Variants in FNDC3A observed in about 807,000 individuals in gnomAD.
The protein encoded by FNDC3A is fibronectin type-III domain-containing protein 3A.
In FNDC3A, 32 loss-of-function variants were observed where a neutral mutation model predicts 148.9. That is an observed-to-expected ratio of 0.21 (90% CI 0.16 to 0.29). The LOEUF (loss-of-function observed/expected upper bound fraction) is 0.29. FNDC3A is among the 10% of genes least tolerant of loss of function. FNDC3A has a pLI of 1.00. For synonymous variants in FNDC3A, 472 were observed against 473.6 expected (o/e 1.00, Z 0.04); for missense variants, 1,191 against 1,452.8 (o/e 0.82, Z 2.93).
intron 8 of FNDC3A, among the ~76,000 whole-genome samples, chr13:49,165,889 GCAGGTTGGGTGGGCTCAATCT>G (rs955270089): frequency 1.3e-5 from 2 of 152,060 alleles, no homozygotes; most frequent in Non-Finnish European, 1.5e-5. Flanking sequence ...GTGATTAAAG[GCAGGTTGGGTGGGCTCAATCT>G]CAGGCCACCA....
intron 3 of FNDC3A, among the ~76,000 whole-genome samples, chr13:49,105,002 C>T (rs117845584): frequency 0.048 from 7,295 of 152,072 alleles, 240 homozygotes; most frequent in Middle Eastern, 0.082. Context: ...AAATATAAGT[C>T]ATAAACTAGG....
chr13:49,132,506 G>A (rs1488000602), intron 5 of FNDC3A, among the ~76,000 whole-genome samples: 1 of 152,192 alleles, frequency 6.6e-6, no homozygotes, highest in South Asian at 2.1e-4. Flanking sequence ...AACTGCCATT[G>A]TGTAGCACAG....
At chr13:49,082,964 G>A (rs1406156939) in intron 3 of FNDC3A, among the ~76,000 whole-genome samples, 1 of 152,100 alleles carries the variant, frequency 6.6e-6, no homozygotes, top group Non-Finnish European at 1.5e-5. Flanking sequence ...CCTGACCTGG[G>A]TTGTAGGAGT....
upstream of FNDC3A, chr13:48,975,675 C>T (rs934925343): frequency 5.9e-5 from 9 of 152,330 alleles, no homozygotes; most frequent in African/African-American, 1.9e-4. Context: ...GCGGATGCTA[C>T]CACAAGCCAG....
intron 2 of FNDC3A, among the ~76,000 whole-genome samples, chr13:49,070,835 A>G (rs1877612711): frequency 6.7e-6 from 1 of 150,192 alleles, no homozygotes; most frequent in Non-Finnish European, 1.5e-5. Flanking sequence ...TTTACTGAAC[A>G]TAACGACCTC....
At chr13:49,173,144 A>G (rs1052393849) in intron 11 of FNDC3A, among the ~76,000 whole-genome samples, 2 of 152,228 alleles carry the variant, frequency 1.3e-5, no homozygotes, top group African/African-American at 2.4e-5. Context: ...TTGGTTTAGT[A>G]CATTGTTTTT....
At chr13:49,137,871 G>A (rs914391360) in intron 6 of FNDC3A, among the ~76,000 whole-genome samples, 4 of 152,106 alleles carry the variant, frequency 2.6e-5, no homozygotes, top group Admixed American at 6.6e-5. Flanking sequence ...GTAGATATGC[G>A]TATGTAGAAA....
intron 3 of FNDC3A, among the ~76,000 whole-genome samples, chr13:49,114,044 T>C (rs1449230999): frequency 1.3e-5 from 2 of 152,154 alleles, no homozygotes; most frequent in Admixed American, 1.3e-4. Flanking sequence ...TTTTTTTTCC[T>C]TTGGGTAAGT....
chr13:49,037,521 C>T (rs969469905), intron 2 of FNDC3A, among the ~76,000 whole-genome samples: 2 of 152,180 alleles, frequency 1.3e-5, no homozygotes, highest in African/African-American at 4.8e-5. Context: ...TATTTATGTG[C>T]TTTCTGTAAC....
chr13:49,029,885 C>T (rs1297688791), intron 2 of FNDC3A, among the ~76,000 whole-genome samples: 2 of 152,002 alleles, frequency 1.3e-5, no homozygotes, highest in East Asian at 1.9e-4. Flanking sequence ...TAGAAAGACA[C>T]AAAACAACCA....
intron 16 of FNDC3A, chr13:49,187,649 T>G: frequency 6.3e-7 from 1 of 1,598,320 alleles, no homozygotes; most frequent in East Asian, 2.2e-5. Flanking sequence ...GTTGTGAACC[T>G]CCGGATGCTC....
At chr13:49,021,528 T>G (rs1593482342) in intron 2 of FNDC3A, among the ~76,000 whole-genome samples, 1 of 152,144 alleles carries the variant, frequency 6.6e-6, no homozygotes, top group Non-Finnish European at 1.5e-5. Flanking sequence ...AGTCTGCTGG[T>G]TTTTACTGCT....
intron 2 of FNDC3A, among the ~76,000 whole-genome samples, chr13:49,048,499 A>G (rs1339233917): frequency 6.6e-6 from 1 of 152,026 alleles, no homozygotes; most frequent in Non-Finnish European, 1.5e-5. Context: ...TTCTTTCAGC[A>G]GTGTTTTATA....
At chr13:49,075,860 C>T (rs1301196008) in intron 3 of FNDC3A, among the ~76,000 whole-genome samples, 2 of 127,000 alleles carry the variant, frequency 1.6e-5, no homozygotes, top group Non-Finnish European at 3.2e-5. Context: ...CAAGACTGAG[C>T]TCCAGTCCTA....
At chr13:49,085,120 T>C (rs1878723467) in intron 3 of FNDC3A, among the ~76,000 whole-genome samples, 1 of 152,184 alleles carries the variant, frequency 6.6e-6, no homozygotes. Context: ...TGCTGTGGGA[T>C]CGTGATGATT....
At chr13:49,175,257 A>G (rs1884969214) in intron 12 of FNDC3A, 110 bp from the exon 13 acceptor site, 1 of 627,686 alleles carries the variant, frequency 1.6e-6, no homozygotes, top group Non-Finnish European at 2.6e-6. Flanking sequence ...TTGTATTATA[A>G]TTCATTATCA....
chr13:49,001,042 A>G (rs1952115619), intron 1 of FNDC3A, among the ~76,000 whole-genome samples: 1 of 151,622 alleles, frequency 6.6e-6, no homozygotes, highest in African/African-American at 2.4e-5. Context: ...AGGTAATTTT[A>G]TTTCTTCCTG....
chr13:49,176,655 A>C (rs1413794758), intron 13 of FNDC3A, among the ~76,000 whole-genome samples: 2 of 152,184 alleles, frequency 1.3e-5, no homozygotes, highest in Non-Finnish European at 1.5e-5. Context: ...AGAAAAAAAA[A>C]CATTTTAGTG....
intron 2 of FNDC3A, among the ~76,000 whole-genome samples, chr13:49,065,341 G>A (rs1877194443): frequency 6.6e-6 from 1 of 152,136 alleles, no homozygotes. Flanking sequence ...TGAAAACCAA[G>A]TCACATGGCC....
Sources: gnomAD v4.1 joint callset for allele counts (sites outside exome capture counted in the v4.1 genomes callset) on GRCh38, gnomAD v4.1.1 for gene constraint, MANE v1.5 for transcripts, NCBI Gene and HGNC (gene_info 2026-07-23, HGNC 2026-07-21) for gene names.